Variants in SGMS1 observed in about 807,000 individuals in gnomAD.
SGMS1 encodes the protein sphingomyelin synthase 1, also known as phosphatidylcholine:ceramide cholinephosphotransferase 1.
A neutral mutation model predicts 46.2 loss-of-function variants in SGMS1; 13 were observed. The ratio of observed to expected loss-of-function variants is 0.28; its 90% CI spans 0.18 to 0.45. SGMS1 has a LOEUF of 0.45. SGMS1 is among the 20% of genes least tolerant of loss of function. The pLI is 1.00. For missense variants in SGMS1, 324 were observed against 519.9 expected, an observed-to-expected ratio of 0.62 and a Z score of 3.66; for synonymous variants, 203 against 187.8, an observed-to-expected ratio of 1.08 and a Z score of -0.66.
At chr10:50,353,877 T>G (rs567490993) in intron 6 of SGMS1, among the ~76,000 whole-genome samples, 4 of 152,294 alleles carry the variant, frequency 2.6e-5, no homozygotes, top group Admixed American at 6.5e-5. Context: ...GAATCCAACT[T>G]ACAAGGGATG....
chr10:50,308,734 T>C (rs1847212154), intron 9 of SGMS1, among the ~76,000 whole-genome samples: 2 of 152,322 alleles, frequency 1.3e-5, no homozygotes, highest in South Asian at 4.1e-4. Flanking sequence ...TACTTGTCTG[T>C]ATCCCCATTT....
intron 5 of SGMS1, among the ~76,000 whole-genome samples, chr10:50,445,100 C>T (rs543404061): frequency 4.6e-5 from 7 of 152,192 alleles, no homozygotes; most frequent in African/African-American, 1.7e-4. Context: ...CCAATAAGTA[C>T]ATGAAAAAAT....
intron 7 of SGMS1, among the ~76,000 whole-genome samples, chr10:50,339,385 T>G (rs1175286334): frequency 6.6e-6 from 1 of 152,224 alleles, no homozygotes; most frequent in East Asian, 1.9e-4. Flanking sequence ...TTCACTCTCA[T>G]TTGATTCAGA....
chr10:50,451,730 C>T (rs1837112212), intron 5 of SGMS1, among the ~76,000 whole-genome samples: 1 of 152,160 alleles, frequency 6.6e-6, no homozygotes. Flanking sequence ...ATATGTGTTA[C>T]ATATTTCTAT....
intron 6 of SGMS1, among the ~76,000 whole-genome samples, chr10:50,424,962 A>G (rs937229228): frequency 6.6e-6 from 1 of 151,944 alleles, no homozygotes; most frequent in Admixed American, 6.6e-5. Context: ...GCCAACATAC[A>G]TACAAAAAAA....
chr10:50,407,883 A>AT (rs141712242), intron 6 of SGMS1, among the ~76,000 whole-genome samples: 4,799 of 151,988 alleles, frequency 0.032, 239 homozygotes, highest in African/African-American at 0.11. Context: ...CTTAATATCT[A>AT]TTTTTTTTAA....
intron 2 of SGMS1, among the ~76,000 whole-genome samples, chr10:50,572,739 A>C (rs1375769776): frequency 6.6e-6 from 1 of 152,158 alleles, no homozygotes; most frequent in Non-Finnish European, 1.5e-5. Flanking sequence ...AATACACATA[A>C]ATTGTGAGTG....
At chr10:50,600,901 A>G (rs1838644093) in intron 1 of SGMS1, among the ~76,000 whole-genome samples, 1 of 152,174 alleles carries the variant, frequency 6.6e-6, no homozygotes, top group Non-Finnish European at 1.5e-5. Flanking sequence ...CAGGGGTGAG[A>G]GAGTAGAGCA....
chr10:50,340,240 A>G (rs1252359601), intron 7 of SGMS1: 1 of 152,248 alleles, frequency 6.6e-6, no homozygotes, highest in Non-Finnish European at 1.5e-5. Context: ...ACCATGTCCC[A>G]GTAGAGCTGA....
At chr10:50,381,201 G>C (rs959331613) in intron 6 of SGMS1, among the ~76,000 whole-genome samples, 1 of 150,784 alleles carries the variant, frequency 6.6e-6, no homozygotes, top group African/African-American at 2.4e-5. Context: ...TATATAACCA[G>C]GAATTTAAAA....
chr10:50,460,902 A>T (rs1255151238), intron 4 of SGMS1, 88 bp from the exon 5 acceptor site: 2 of 152,248 alleles, frequency 1.3e-5, no homozygotes, highest in Non-Finnish European at 2.9e-5. Context: ...AATTCAGTCC[A>T]GCTCACTATA....
chr10:50,607,198 G>T (rs1388022631), intron 1 of SGMS1, among the ~76,000 whole-genome samples: 1 of 150,320 alleles, frequency 6.7e-6, no homozygotes, highest in Admixed American at 6.6e-5. Flanking sequence ...GTCAAGGCTG[G>T]TCTCAAACTC....
At chr10:50,616,854 T>C (rs1359533635) in intron 1 of SGMS1, among the ~76,000 whole-genome samples, 1 of 152,204 alleles carries the variant, frequency 6.6e-6, no homozygotes, top group Non-Finnish European at 1.5e-5. Context: ...ACGGACAGAA[T>C]TACAATAAGA....
intron 6 of SGMS1, among the ~76,000 whole-genome samples, chr10:50,386,633 C>A (rs1589418728): frequency 1.3e-5 from 2 of 152,186 alleles, no homozygotes; most frequent in African/African-American, 4.8e-5. Flanking sequence ...GGAAGGGGAC[C>A]ACAGGCCCAG....
In SGMS1 at chr10:50,512,536, T is replaced by C. The variant is rs537400768; in HGVS notation, c.-498+7295A>G. ...TCCAAAACCCTCTGGAGTCCCTCTG[T>C]GCACAAGGCAATGACCTGGGTTTGC... On this transcript the variant is annotated intron_variant, in intron 3 of 10. Coordinates refer to ENST00000361781, the MANE Select transcript of SGMS1 (RefSeq NM_147156.4). Among the ~76,000 whole-genome samples the C allele has an allele frequency of 3.6e-4, 55 of 152,252 alleles. No homozygotes were observed. The South Asian group carries it at 0.011, about 31-fold the overall frequency.
intron 3 of SGMS1, among the ~76,000 whole-genome samples, chr10:50,498,329 A>G (rs1463898712): frequency 6.6e-6 from 1 of 152,254 alleles, no homozygotes; most frequent in Non-Finnish European, 1.5e-5. Context: ...TAAAATATAC[A>G]TAACATAATT....
At chr10:50,402,365 T>C (rs564913408) in intron 6 of SGMS1, among the ~76,000 whole-genome samples, 31 of 152,226 alleles carry the variant, frequency 2.0e-4, no homozygotes, top group African/African-American at 7.2e-4. Context: ...ATTAATGGAG[T>C]CAATTGCCTC....
chr10:50,611,856 C>CCCCCCTT (rs1838752880), intron 1 of SGMS1, among the ~76,000 whole-genome samples: 1 of 152,136 alleles, frequency 6.6e-6, no homozygotes, highest in Non-Finnish European at 1.5e-5. Flanking sequence ...TCTCTGTTGG[C>CCCCCCTT]CTCAGACACA....
intron 2 of SGMS1, among the ~76,000 whole-genome samples, chr10:50,557,883 T>G (rs1184630355): frequency 6.6e-6 from 1 of 152,188 alleles, no homozygotes; most frequent in Non-Finnish European, 1.5e-5. Context: ...CAACTGTAGA[T>G]GGACTGACAG....
Sources: allele counts gnomAD v4.1 joint callset (sites outside exome capture counted in the v4.1 genomes callset), GRCh38; gene constraint gnomAD v4.1.1; transcripts MANE v1.5; gene names NCBI Gene and HGNC (gene_info 2026-07-23, HGNC 2026-07-21).